DOCK3: variants seen among roughly 807,000 people sequenced by gnomAD.
DOCK3 encodes dedicator of cytokinesis 3.
DOCK3 carries 60 observed loss-of-function variants against 265.6 expected under a neutral mutation model. That is an observed-to-expected ratio of 0.23 (90% CI 0.18 to 0.28). The LOEUF is 0.28. Among genes scored for constraint, DOCK3 ranks in the 10% least tolerant of loss-of-function variants. DOCK3 has a pLI of 1.00. For synonymous variants in DOCK3, 881 were observed against 938.0 expected, an observed-to-expected ratio of 0.94 and a Z score of 1.11; for missense variants, 1,981 against 2,594.3, an observed-to-expected ratio of 0.76 and a Z score of 5.14.
At chr3:51,021,458 C>T (rs1461706187) in intron 5 of DOCK3, among the ~76,000 whole-genome samples, 2 of 152,076 alleles carry the variant, frequency 1.3e-5, no homozygotes, top group African/African-American at 2.4e-5. Flanking sequence ...TCATAAGTTT[C>T]CTTACCTAGT....
At chr3:50,948,459 A>T (rs2076498619) in intron 5 of DOCK3, among the ~76,000 whole-genome samples, 1 of 132,804 alleles carries the variant, frequency 7.5e-6, no homozygotes, top group Non-Finnish European at 1.5e-5. Flanking sequence ...GCTGGAATGC[A>T]GTTGCAAAAT....
At chr3:51,136,866 C>G (rs775220529) in intron 9 of DOCK3, among the ~76,000 whole-genome samples, 1 of 152,004 alleles carries the variant, frequency 6.6e-6, no homozygotes, top group Non-Finnish European at 1.5e-5. Context: ...CTCCTGAAAC[C>G]CTCACCTCTG....
chr3:51,128,072 G>A (rs2084346248), intron 9 of DOCK3, among the ~76,000 whole-genome samples: 1 of 152,160 alleles, frequency 6.6e-6, no homozygotes, highest in African/African-American at 2.4e-5. Flanking sequence ...TGTCCAGGTG[G>A]CAATCTTAAC....
intron 5 of DOCK3, among the ~76,000 whole-genome samples, chr3:51,033,538 T>C (rs1163065180): frequency 1.1e-4 from 16 of 152,228 alleles, no homozygotes; most frequent in Admixed American, 7.2e-4. Context: ...ATCATACTTA[T>C]CTAAAATTTC....
intron 2 of DOCK3, among the ~76,000 whole-genome samples, chr3:50,821,456 C>T (rs1171689384): frequency 6.6e-6 from 1 of 152,020 alleles, no homozygotes; most frequent in African/African-American, 2.4e-5. Context: ...ACCGCCACCA[C>T]ACCCGGCTAA....
chr3:50,846,413 A>C (rs1219567843), intron 3 of DOCK3, among the ~76,000 whole-genome samples: 7 of 152,152 alleles, frequency 4.6e-5, no homozygotes, highest in African/African-American at 2.4e-5. Context: ...TCAGGTTACT[A>C]GTATTTTGTT....
Position 51,064,508 on chromosome 3 carries a change from C to T in DOCK3, c.376C>T (p.Arg126Ter). 6.2e-7 allele frequency: 1 copy of T among 1,613,934 alleles called. No homozygotes were observed. The highest frequency in any genetic ancestry group is 8.5e-7 in the Non-Finnish European group (1 of 1,179,856). The change falls in exon 6 of 53, where the codon CGA (arginine) becomes TGA (stop). Residue 126 changes from arginine (R) to a stop codon, truncating the protein, a stop_gained. Transcript: ENST00000266037. LOFTEE classifies it high-confidence loss of function. ...TGTGATGAATGAACTTATTGACCTGCGAAGGCAGCTACTGTCTGGTCACCT... is the reference window on the plus strand; with the variant it reads ...TGTGATGAATGAACTTATTGACCTGTGAAGGCAGCTACTGTCTGGTCACCT... The part of the protein sequence containing the change: ...RHVMNELIDL[R>*]RQLLSGHLTQ...
At chr3:50,985,955 C>A (rs1015584058) in intron 5 of DOCK3, among the ~76,000 whole-genome samples, 1 of 151,624 alleles carries the variant, frequency 6.6e-6, no homozygotes, top group African/African-American at 2.4e-5. Flanking sequence ...AAATTTTATG[C>A]CAATATAGTG....
chr3:51,010,681 T>C (rs1457499603), intron 5 of DOCK3, among the ~76,000 whole-genome samples: 2 of 152,222 alleles, frequency 1.3e-5, no homozygotes, highest in African/African-American at 4.8e-5. Context: ...GCTGGTTATT[T>C]TGCTCGTTAG....
intron 10 of DOCK3, among the ~76,000 whole-genome samples, chr3:51,147,204 T>A (rs1183076693): frequency 6.6e-6 from 1 of 152,218 alleles, no homozygotes; most frequent in African/African-American, 2.4e-5. Context: ...CTGTATAATT[T>A]CTGATGCATA....
At chr3:50,779,254 T>C (rs1049889285) in intron 2 of DOCK3, among the ~76,000 whole-genome samples, 4 of 152,202 alleles carry the variant, frequency 2.6e-5, no homozygotes, top group Non-Finnish European at 5.9e-5. Context: ...TATGAATAGG[T>C]AATCTACCCA....
At chr3:50,723,842 C>G (rs1335144135) in intron 1 of DOCK3, among the ~76,000 whole-genome samples, 2 of 152,170 alleles carry the variant, frequency 1.3e-5, no homozygotes, top group African/African-American at 4.8e-5. Context: ...CCCAAATAGA[C>G]AGATGGGATC....
chr3:50,777,870 T>C (rs1463801749), intron 1 of DOCK3, among the ~76,000 whole-genome samples: 1 of 152,182 alleles, frequency 6.6e-6, no homozygotes, highest in African/African-American at 2.4e-5. Context: ...AGTGACAGTT[T>C]GTCATCTTCT....
chr3:51,372,449 CAT>C (rs1316804674), intron 49 of DOCK3, among the ~76,000 whole-genome samples: 1 of 152,222 alleles, frequency 6.6e-6, no homozygotes, highest in African/African-American at 2.4e-5. Context: ...ACCACCATAA[CAT>C]GAGTCTGAAT....
At chr3:51,006,456 G>C in intron 5 of DOCK3, among the ~76,000 whole-genome samples, 1 of 152,026 alleles carries the variant, frequency 6.6e-6, no homozygotes, top group Non-Finnish European at 1.5e-5. Flanking sequence ...ACTTTAAAAT[G>C]GTTCTCCTGT....
chr3:51,329,390 C>G (rs1455561077), intron 32 of DOCK3, among the ~76,000 whole-genome samples: 1 of 152,070 alleles, frequency 6.6e-6, no homozygotes, highest in Non-Finnish European at 1.5e-5. Context: ...AATCAACAAT[C>G]AAACAAACAA....
At chr3:51,115,038 T>G (rs919442777) in intron 9 of DOCK3, among the ~76,000 whole-genome samples, 2 of 152,196 alleles carry the variant, frequency 1.3e-5, no homozygotes, top group African/African-American at 4.8e-5. Context: ...CACATTTTCT[T>G]TATCCAGTCT....
At chr3:51,356,608 G>A in intron 43 of DOCK3, 115 bp downstream of exon 43, 1 of 1,003,838 alleles carries the variant, frequency 1.0e-6, no homozygotes, top group African/African-American at 1.6e-5. Context: ...GCCTGGCCAA[G>A]GCTCCCACAG....
intron 1 of DOCK3, among the ~76,000 whole-genome samples, chr3:50,732,749 A>G (rs1475051226): frequency 6.6e-6 from 1 of 152,166 alleles, no homozygotes; most frequent in East Asian, 1.9e-4. Context: ...TCCTCTAATG[A>G]ACATTTGGCA....
Sources: gnomAD v4.1 joint callset for allele counts (sites outside exome capture counted in the v4.1 genomes callset) on GRCh38, gnomAD v4.1.1 for gene constraint, MANE v1.5 for transcripts, NCBI Gene and HGNC (gene_info 2026-07-23, HGNC 2026-07-21) for gene names.